MYO1D: variants seen among roughly 807,000 people sequenced by gnomAD.
MYO1D encodes unconventional myosin-Id.
MYO1D carries 83 observed loss-of-function variants against 122.0 expected under a neutral mutation model. That is an observed-to-expected ratio of 0.68 (90% CI 0.57 to 0.82). MYO1D has a LOEUF of 0.82. Among genes scored for constraint, MYO1D ranks in the 40% least tolerant of loss-of-function variants. MYO1D has a pLI of 0.00. For synonymous variants in MYO1D, 464 were observed against 446.9 expected (o/e 1.04, Z -0.48); for missense variants, 1,157 against 1,269.5 (o/e 0.91, Z 1.35).
At chr17:32,774,076 C>T (rs1217939875) in intron 4 of MYO1D, among the ~76,000 whole-genome samples, 1 of 152,110 alleles carries the variant, frequency 6.6e-6, no homozygotes, top group Non-Finnish European at 1.5e-5. Context: ...CCCTATAATC[C>T]TTTTATCACC....
At chr17:32,672,484 T>G (rs938507537) in intron 16 of MYO1D, among the ~76,000 whole-genome samples, 3 of 152,174 alleles carry the variant, frequency 2.0e-5, no homozygotes, top group Non-Finnish European at 4.4e-5. Flanking sequence ...AAAGGTTTTT[T>G]TTCGTTTGTT....
At chr17:32,551,645 T>A (rs2087016211) in intron 21 of MYO1D, among the ~76,000 whole-genome samples, 1 of 152,134 alleles carries the variant, frequency 6.6e-6, no homozygotes, top group South Asian at 2.1e-4. Context: ...ACCTTCATAA[T>A]TATGTTTGAC....
intron 1 of MYO1D, among the ~76,000 whole-genome samples, chr17:32,851,688 A>G (rs1260599569): frequency 4.6e-5 from 7 of 152,230 alleles, no homozygotes; most frequent in African/African-American, 1.7e-4. Flanking sequence ...GGGTGGTTTC[A>G]GGGTGAAACT....
chr17:32,649,436 C>G (rs543744714), intron 19 of MYO1D, among the ~76,000 whole-genome samples: 55 of 152,208 alleles, frequency 3.6e-4, no homozygotes, highest in African/African-American at 1.3e-3. Flanking sequence ...CCATATATAA[C>G]TGGGATCATA....
In MYO1D at chr17:32,520,056, T is replaced by C. The variant is rs568943009; in HGVS notation, c.2865-25141A>G. On this transcript the variant is annotated intron_variant, in intron 21 of 21. Coordinates refer to ENST00000318217, the MANE Select transcript of MYO1D (RefSeq NM_015194.3). Reference sequence around the variant, plus strand: ...CAGCAGTTTGCTTTACGTGACACTTTTCCTGCTCAGATTCCTGCTCCAGAA... The same window carrying C: ...CAGCAGTTTGCTTTACGTGACACTTCTCCTGCTCAGATTCCTGCTCCAGAA... Among the ~76,000 whole-genome samples the C allele has an allele frequency of 2.0e-5, 3 of 152,282 alleles. No individual in the cohort carries two copies. The East Asian group carries it at 5.8e-4, about 29-fold the overall frequency.
intron 16 of MYO1D, among the ~76,000 whole-genome samples, chr17:32,672,155 G>C (rs2088730527): frequency 6.6e-6 from 1 of 152,160 alleles, no homozygotes; most frequent in South Asian, 2.1e-4. Flanking sequence ...TTTTCCAATA[G>C]TCCCAATAGG....
intron 21 of MYO1D, among the ~76,000 whole-genome samples, chr17:32,546,247 G>C (rs1392060158): frequency 1.3e-5 from 2 of 152,040 alleles, no homozygotes; most frequent in Non-Finnish European, 2.9e-5. Flanking sequence ...TCCACTCTCT[G>C]GTTTTCCTTT....
intron 20 of MYO1D, among the ~76,000 whole-genome samples, chr17:32,632,842 C>A (rs1350062076): frequency 6.6e-6 from 1 of 151,992 alleles, no homozygotes; most frequent in Non-Finnish European, 1.5e-5. Context: ...GTAACTGGCA[C>A]AAGGATATCT....
At chr17:32,824,049 A>T (rs1805402080) in intron 1 of MYO1D, among the ~76,000 whole-genome samples, 1 of 145,356 alleles carries the variant, frequency 6.9e-6, no homozygotes, top group Non-Finnish European at 1.5e-5. Context: ...CCTGGGCGAT[A>T]GAGCAAGACT....
chr17:32,808,299 C>T (rs1397779583), intron 1 of MYO1D, among the ~76,000 whole-genome samples: 1 of 151,056 alleles, frequency 6.6e-6, no homozygotes, highest in South Asian at 2.1e-4. Context: ...TGCTTGAGCC[C>T]AGGAGTACGA....
rs569649627 is a variant in MYO1D at position 32,669,027 on chromosome 17, T to A, written c.2122-9689A>T. On this transcript the variant is annotated intron_variant, in intron 16 of 21. Transcript: ENST00000318217. ...GAAGCTCTGAGAATTTTTATGTAAA[T>A]CTCCTTTAACAGAATTGAAAAAAAC... Among the ~76,000 whole-genome samples the A allele has an allele frequency of 1.6e-4, 24 of 152,216 alleles. No individual in the cohort carries two copies. In the South Asian group the frequency reaches 2.1e-3, roughly 13 times the overall value.
At chr17:32,805,573 T>C (rs1302391413) in intron 1 of MYO1D, among the ~76,000 whole-genome samples, 1 of 152,122 alleles carries the variant, frequency 6.6e-6, no homozygotes, top group Non-Finnish European at 1.5e-5. Flanking sequence ...TGGAGAAGTG[T>C]GTTATTTGCA....
chr17:32,816,435 T>C (rs1338260382), intron 1 of MYO1D, among the ~76,000 whole-genome samples: 2 of 152,194 alleles, frequency 1.3e-5, no homozygotes, highest in East Asian at 1.9e-4. Context: ...GGAAACTTAG[T>C]CCAATGTTAT....
intron 13 of MYO1D, among the ~76,000 whole-genome samples, chr17:32,744,294 T>C (rs2089806498): frequency 6.6e-6 from 1 of 152,206 alleles, no homozygotes; most frequent in Non-Finnish European, 1.5e-5. Context: ...TGCTGAAATG[T>C]CACCTCTATA....
intron 8 of MYO1D, among the ~76,000 whole-genome samples, chr17:32,763,388 G>A (rs1429737399): frequency 6.6e-6 from 1 of 151,998 alleles, no homozygotes; most frequent in Non-Finnish European, 1.5e-5. Context: ...AAAATACAAC[G>A]CTTGCCACAC....
At chr17:32,752,977 A>G (rs2089912273) in intron 11 of MYO1D, among the ~76,000 whole-genome samples, 1 of 152,200 alleles carries the variant, frequency 6.6e-6, no homozygotes, top group South Asian at 2.1e-4. Flanking sequence ...TATGTTTACC[A>G]TAACATTATT....
intron 1 of MYO1D, among the ~76,000 whole-genome samples, chr17:32,787,136 GAAGA>G (rs368247999): frequency 5.3e-5 from 8 of 151,444 alleles, no homozygotes; most frequent in African/African-American, 1.9e-4. Context: ...AAAAAAACCA[GAAGA>G]GAGAAAAAAA....
intron 16 of MYO1D, among the ~76,000 whole-genome samples, chr17:32,682,454 C>T (rs1268152896): frequency 6.7e-6 from 1 of 148,952 alleles, no homozygotes; most frequent in Non-Finnish European, 1.5e-5. Flanking sequence ...CTGGTGGTGA[C>T]AAAATCTCTC....
At chr17:32,623,445 T>C (rs1456561762) in intron 20 of MYO1D, among the ~76,000 whole-genome samples, 1 of 152,016 alleles carries the variant, frequency 6.6e-6, no homozygotes, top group Non-Finnish European at 1.5e-5. Flanking sequence ...GTGGTGGGGA[T>C]GGGGGGTCGT....
Sources: gnomAD v4.1 joint callset for allele counts (sites outside exome capture counted in the v4.1 genomes callset) on GRCh38, gnomAD v4.1.1 for gene constraint, MANE v1.5 for transcripts, NCBI Gene and HGNC (gene_info 2026-07-23, HGNC 2026-07-21) for gene names.